The following DCC variants were observed in gnomAD, a reference collection of about 807,000 sequenced individuals.
DCC encodes the protein netrin receptor DCC.
In DCC, 58 loss-of-function variants were observed where a neutral mutation model predicts 172.5. That is an observed-to-expected ratio of 0.34 (90% CI 0.27 to 0.42). The LOEUF is 0.42. DCC is among the 10% of genes least tolerant of loss of function. DCC has a pLI of 1.00. For synonymous variants in DCC, 709 were observed against 644.5 expected (o/e 1.10, Z -1.52); for missense variants, 1,740 against 1,791.0 (o/e 0.97, Z 0.51).
intron 5 of DCC, among the ~76,000 whole-genome samples, chr18:52,944,787 A>C (rs2040515310): frequency 6.6e-6 from 1 of 152,210 alleles, no homozygotes; most frequent in Non-Finnish European, 1.5e-5. Context: ...TGTAGACTTG[A>C]TCAAGGGTCA....
rs933921394 is a variant in DCC, at chr18:52,463,370, G to A, written c.91+122492G>A. Among the ~76,000 whole-genome samples, 10 of 152,240 alleles carry A rather than the reference G, an allele frequency of 6.6e-5. No individual in the cohort carries two copies. In the East Asian group the frequency reaches 1.5e-3, roughly 24 times the overall value. On this transcript the variant is annotated intron_variant, in intron 1 of 28. Coordinates refer to ENST00000442544, the MANE Select transcript of DCC (RefSeq NM_005215.4). Reference sequence around the variant, plus strand: ...GGCGATTGGAAACAATAAGACCAGAGATAAAGAGTCTAGAAGGATCATTTG... The same window carrying A: ...GGCGATTGGAAACAATAAGACCAGAAATAAAGAGTCTAGAAGGATCATTTG...
At chr18:52,838,691 AG>A (rs1280132522) in intron 2 of DCC, among the ~76,000 whole-genome samples, 3 of 152,234 alleles carry the variant, frequency 2.0e-5, no homozygotes, top group Non-Finnish European at 4.4e-5. Context: ...TTAAACTAAA[AG>A]AACTTGGAGA....
At chr18:52,452,953 A>C (rs758401480) in intron 1 of DCC, among the ~76,000 whole-genome samples, 17 of 152,350 alleles carry the variant, frequency 1.1e-4, no homozygotes, top group Middle Eastern at 3.4e-3. Context: ...AGATATAAAA[A>C]CAGAATTAGC....
intron 12 of DCC, among the ~76,000 whole-genome samples, chr18:53,252,857 A>G (rs1269750507): frequency 6.6e-6 from 1 of 152,018 alleles, no homozygotes; most frequent in Admixed American, 6.6e-5. Flanking sequence ...GATAGTTTGC[A>G]TTTGTATAAT....
intron 2 of DCC, among the ~76,000 whole-genome samples, chr18:52,829,070 T>A (rs2038565205): frequency 6.6e-6 from 1 of 152,238 alleles, no homozygotes; most frequent in Non-Finnish European, 1.5e-5. Context: ...TGTTATGCTG[T>A]TAATTAGAAT....
At chr18:52,891,359 TTAAATTATGTCCTGAATGATTGACA>T (rs2039648104) in intron 2 of DCC, among the ~76,000 whole-genome samples, 1 of 152,132 alleles carries the variant, frequency 6.6e-6, no homozygotes, top group African/African-American at 2.4e-5. Context: ...ATTAGTTTTG[TTAAATTATGTCCTGAATGATTGACA>T]TAAATTATGT....
chr18:53,273,444 C>T (rs1449850842), intron 12 of DCC, among the ~76,000 whole-genome samples: 2 of 151,990 alleles, frequency 1.3e-5, no homozygotes, highest in African/African-American at 4.8e-5. Flanking sequence ...TGGTAGGATT[C>T]ACAAATTATG....
intron 5 of DCC, among the ~76,000 whole-genome samples, chr18:52,933,977 A>T (rs1171416181): frequency 6.6e-6 from 1 of 152,094 alleles, no homozygotes; most frequent in Non-Finnish European, 1.5e-5. Context: ...GTGTTCTGGG[A>T]AATAAAGTAA....
At chr18:52,365,160 G>A (rs890715939) in intron 1 of DCC, among the ~76,000 whole-genome samples, 2 of 152,156 alleles carry the variant, frequency 1.3e-5, no homozygotes, top group Middle Eastern at 3.2e-3. Context: ...ATCTTAAGAA[G>A]ATTAATGAGA....
At chr18:53,464,024 AGAG>A (rs1046774886) in intron 24 of DCC, among the ~76,000 whole-genome samples, 78 of 152,356 alleles carry the variant, frequency 5.1e-4, no homozygotes, top group African/African-American at 1.8e-3. Context: ...CCACAAAAAT[AGAG>A]GATGCCACTA....
intron 1 of DCC, among the ~76,000 whole-genome samples, chr18:52,530,340 GA>G (rs1369196828): frequency 5.3e-5 from 8 of 152,172 alleles, no homozygotes; most frequent in Non-Finnish European, 1.2e-4. Flanking sequence ...TTCATTACAA[GA>G]AAAACAGTAA....
At chr18:52,464,002 C>G (rs1307163271) in intron 1 of DCC, among the ~76,000 whole-genome samples, 1 of 152,132 alleles carries the variant, frequency 6.6e-6, no homozygotes, top group Non-Finnish European at 1.5e-5. Flanking sequence ...GTAGTGGGTC[C>G]TCTTCAGCCT....
intron 5 of DCC, among the ~76,000 whole-genome samples, chr18:53,030,160 T>C (rs1431087984): frequency 6.6e-6 from 1 of 152,176 alleles, no homozygotes; most frequent in Non-Finnish European, 1.5e-5. Flanking sequence ...ATGGAGATGG[T>C]CTCCAGGAAA....
In DCC at chr18:52,407,397, G is replaced by A. The variant is rs182224693; in HGVS notation, c.91+66519G>A. On this transcript the variant is annotated intron_variant, in intron 1 of 28. Transcript: ENST00000442544. ...ATGAATGTGCATTTGATATATTTTC[G>A]GTTGTCCAGGTCCAAAAGAGGTCTT... 2.2e-3 allele frequency among the ~76,000 whole-genome samples: 327 copies of A among 151,922 alleles called. 1 individual carries two copies. The highest frequency in any genetic ancestry group is 7.2e-3 in the African/African-American group (299 of 41,452).
At chr18:53,267,859 G>A (rs8096708) in intron 12 of DCC, among the ~76,000 whole-genome samples, 3 of 152,082 alleles carry the variant, frequency 2.0e-5, no homozygotes, top group African/African-American at 7.3e-5. Context: ...TTTGTGAATA[G>A]CAGGTTTCCA....
intron 5 of DCC, among the ~76,000 whole-genome samples, chr18:53,021,429 G>T (rs527418231): frequency 6.6e-6 from 1 of 152,280 alleles, no homozygotes; most frequent in South Asian, 2.1e-4. Flanking sequence ...TCTATTATGA[G>T]TCTGGCAAGC....
At chr18:53,364,220 T>C (rs1315508221) in intron 15 of DCC, among the ~76,000 whole-genome samples, 1 of 152,194 alleles carries the variant, frequency 6.6e-6, no homozygotes, top group East Asian at 1.9e-4. Flanking sequence ...CTCTCTCCAG[T>C]CCTCAATTTC....
At chr18:52,424,640 A>G (rs1012886838) in intron 1 of DCC, among the ~76,000 whole-genome samples, 20 of 152,140 alleles carry the variant, frequency 1.3e-4, no homozygotes, top group Non-Finnish European at 2.5e-4. Flanking sequence ...CAACTAGGCA[A>G]CAGGATCTGC....
chr18:52,656,694 A>T (rs1228820677), intron 1 of DCC, among the ~76,000 whole-genome samples: 1 of 152,118 alleles, frequency 6.6e-6, no homozygotes, highest in African/African-American at 2.4e-5. Flanking sequence ...TTTGGGTAAG[A>T]TCATAGTGTA....
Sources: gnomAD v4.1 joint callset for allele counts (sites outside exome capture counted in the v4.1 genomes callset) on GRCh38, gnomAD v4.1.1 for gene constraint, MANE v1.5 for transcripts, NCBI Gene and HGNC (gene_info 2026-07-23, HGNC 2026-07-21) for gene names.